SNX30: variants seen among roughly 807,000 people sequenced by gnomAD.
SNX30 encodes the protein sorting nexin family member 30, also known as sorting nexin-30.
Under a neutral mutation model 46.4 loss-of-function variants are expected in SNX30, and 24 were observed. The observed-to-expected ratio is 0.52, with a 90% CI of 0.37 to 0.73. The LOEUF (loss-of-function observed/expected upper bound fraction) is 0.73, where lower values mean the gene tolerates loss of function less well. Ranked by LOEUF, SNX30 falls within the 30% of genes least tolerant of loss-of-function variation. The pLI is 0.00. For synonymous variants in SNX30, 189 were observed against 211.5 expected, an observed-to-expected ratio of 0.89 and a Z score of 0.92; for missense variants, 533 against 555.7, an observed-to-expected ratio of 0.96 and a Z score of 0.41.
chr9:112,850,796 C>T, intron 6 of SNX30, 63 bp from the exon 7 acceptor site: 1 of 1,279,484 alleles, frequency 7.8e-7, no homozygotes, highest in Non-Finnish European at 1.1e-6. Flanking sequence ...AAGCAATTGC[C>T]TGGGGGTGGG....
chr9:112,865,661 A>ATGTG lies in SNX30; in HGVS notation c.1254+1265_1254+1266insGTGT, dbSNP rs1277699270. 9.4e-4 allele frequency among the ~76,000 whole-genome samples: 99 copies of ATGTG among 105,684 alleles called. 4 individuals carry two copies. Among genetic ancestry groups the ATGTG allele is most frequent in the South Asian group, 2.7e-3 (8 of 2,914 alleles). 69.3% of individuals were successfully genotyped at this position (105,684 alleles called of 152,430 possible). A position where few individuals can be genotyped will look rare whatever the true frequency, so the allele number is the denominator to read the frequency against. On this transcript the variant is annotated intron_variant, in intron 8 of 8. Coordinates refer to ENST00000374232, the MANE Select transcript of SNX30 (RefSeq NM_001012994.2). Reference sequence around the variant, plus strand: ...TATATATATATATATATATATATATATGTATGTATGTATGCACACACACAC... The same window carrying ATGTG: ...TATATATATATATATATATATATATATGTGTGTATGTATGTATGCACACACACAC...
intron 4 of SNX30, among the ~76,000 whole-genome samples, chr9:112,831,186 T>G (rs1840654715): frequency 6.6e-6 from 1 of 151,816 alleles, no homozygotes; most frequent in African/African-American, 2.4e-5. Flanking sequence ...GAAGCCACCT[T>G]CATGAGCAAA....
At chr9:112,865,549 C>G (rs1335674683) in intron 8 of SNX30, among the ~76,000 whole-genome samples, 3 of 149,108 alleles carry the variant, frequency 2.0e-5, no homozygotes, top group African/African-American at 7.5e-5. Flanking sequence ...GCCAGGAGTT[C>G]AAGGCTACAG....
rs201012146 is a variant in SNX30, at chr9:112,811,560, G to GA, written c.349-6136dup. 2.3e-3 allele frequency among the ~76,000 whole-genome samples: 343 copies of GA among 151,396 alleles called. 5 individuals are homozygous for GA. The highest frequency in any genetic ancestry group is 7.9e-3 in the African/African-American group (328 of 41,262). On this transcript the variant is annotated intron_variant, in intron 2 of 8. Coordinates refer to ENST00000374232, the MANE Select transcript of SNX30 (RefSeq NM_001012994.2). ...CTTCTAAAATGTTGAACTTCTGAAG[G>GA]AAAAAAAAATTTCCAGGGATGTCTG...
rs112304652 is a variant in SNX30, at chr9:112,756,275, C to A, written c.156+5118C>A. ...CCAATACTGTTTTCTTTGTCATTTT[C>A]CAACTTCACACCTTCTCACTCTCAT... On this transcript the variant is annotated intron_variant, in intron 1 of 8. Transcript: ENST00000374232. Among the ~76,000 whole-genome samples, 822 of 152,126 alleles carry A rather than the reference C, an allele frequency of 5.4e-3. 8 individuals carry two copies. The highest frequency in any genetic ancestry group is 0.019 in the African/African-American group (780 of 41,488).
At chr9:112,833,138 C>T (rs1344007954) in intron 4 of SNX30, among the ~76,000 whole-genome samples, 1 of 152,140 alleles carries the variant, frequency 6.6e-6, no homozygotes, top group Non-Finnish European at 1.5e-5. Context: ...TGCAGCTCAT[C>T]TTCAGAACGT....
At chr9:112,868,187 G>A (rs1412498446) in intron 8 of SNX30, among the ~76,000 whole-genome samples, 2 of 152,222 alleles carry the variant, frequency 1.3e-5, no homozygotes, top group Non-Finnish European at 2.9e-5. Context: ...GAGGACTGGT[G>A]ATAACTAATG....
intron 1 of SNX30, among the ~76,000 whole-genome samples, chr9:112,793,631 C>A (rs1470624001): frequency 1.3e-5 from 2 of 152,126 alleles, no homozygotes; most frequent in Admixed American, 6.5e-5. Context: ...CCTGAAGTAA[C>A]TTCGGTGACA....
At chr9:112,818,683 C>CTTTTTT (rs1840443836) in intron 3 of SNX30, among the ~76,000 whole-genome samples, 1 of 152,194 alleles carries the variant, frequency 6.6e-6, no homozygotes, top group Non-Finnish European at 1.5e-5. Flanking sequence ...TCAGCAAAAA[C>CTTTTTT]CTTTGTTGAA....
intron 1 of SNX30, among the ~76,000 whole-genome samples, chr9:112,789,586 T>A (rs1839987997): frequency 6.6e-6 from 1 of 152,218 alleles, no homozygotes; most frequent in African/African-American, 2.4e-5. Flanking sequence ...ATACTGGATC[T>A]TCCTTAGAAG....
In SNX30 at chr9:112,872,470, A is replaced by T. The variant is rs1841462228; in HGVS notation, c.*3627A>T. On this transcript the variant is annotated 3_prime_UTR_variant, in exon 9 of 9. Coordinates refer to ENST00000374232, the MANE Select transcript of SNX30 (RefSeq NM_001012994.2). Reference sequence around the variant, plus strand: ...AGCTGGTGAGAGAGGAGGAAGAGGGAAGTCAAGAGCAACCTCCAAGGCCTA... The same window carrying T: ...AGCTGGTGAGAGAGGAGGAAGAGGGTAGTCAAGAGCAACCTCCAAGGCCTA... 6.6e-6 allele frequency: 1 copy of T among 152,218 alleles called. No homozygotes were observed. The highest frequency in any genetic ancestry group is 6.6e-5 in the Admixed American group (1 of 15,264). 9.4% of individuals were successfully genotyped at this position (152,218 alleles called of 1,614,324 possible). A position where few individuals can be genotyped will look rare whatever the true frequency, so the allele number is the denominator to read the frequency against.
intron 1 of SNX30, among the ~76,000 whole-genome samples, chr9:112,769,956 C>A (rs888665085): frequency 6.6e-6 from 1 of 151,992 alleles, no homozygotes; most frequent in South Asian, 2.1e-4. Context: ...TTCTGAAATA[C>A]CATGTCCAGA....
At chr9:112,857,212 C>T (rs891452530) in intron 7 of SNX30, among the ~76,000 whole-genome samples, 1 of 152,176 alleles carries the variant, frequency 6.6e-6, no homozygotes, top group Non-Finnish European at 1.5e-5. Flanking sequence ...CTCATGCCCT[C>T]ACCTCTCCCT....
chr9:112,880,330 C>CAAAAAAAAAAAAAAAAAAAAAAAAAA, exon 5 of SNX30: 1 of 91,110 alleles, frequency 1.1e-5, no homozygotes, highest in Non-Finnish European at 2.1e-5. Context: ...GATTCTGTCT[C>CAAAAAAAAAAAAAAAAAAAAAAAAAA]AAAAAAAAAA....
intron 2 of SNX30, among the ~76,000 whole-genome samples, chr9:112,806,609 A>G (rs1840227696): frequency 6.6e-6 from 1 of 152,184 alleles, no homozygotes; most frequent in South Asian, 2.1e-4. Context: ...GCAGGGAATA[A>G]AATACTCAAG....
At chr9:112,817,647 C>T (rs747718080) in intron 2 of SNX30, 58 bp from the exon 3 acceptor site, 37 of 1,043,912 alleles carry the variant, frequency 3.5e-5, no homozygotes, top group Non-Finnish European at 3.7e-5. Flanking sequence ...TTTTCCTTCC[C>T]TTCAGCCAAG....
chr9:112,849,381 A>G (rs1332332552), intron 6 of SNX30, among the ~76,000 whole-genome samples: 1 of 152,210 alleles, frequency 6.6e-6, no homozygotes. Flanking sequence ...CCAGTTCCCC[A>G]GTCCTGCTAG....
chr9:112,823,888 T>C (rs1196203451), intron 3 of SNX30, among the ~76,000 whole-genome samples: 1 of 152,258 alleles, frequency 6.6e-6, no homozygotes, highest in Admixed American at 6.5e-5. Context: ...GCTTGGTGAT[T>C]ATTGTTTTTA....
At chr9:112,798,037 C>T (rs1308483576) in intron 1 of SNX30, among the ~76,000 whole-genome samples, 3 of 150,838 alleles carry the variant, frequency 2.0e-5, no homozygotes, top group Non-Finnish European at 3.0e-5. Flanking sequence ...TTTACCTGGG[C>T]CCACGTGGTG....
Sources: gnomAD v4.1 joint callset for allele counts (sites outside exome capture counted in the v4.1 genomes callset) on GRCh38, gnomAD v4.1.1 for gene constraint, MANE v1.5 for transcripts, NCBI Gene and HGNC (gene_info 2026-07-23, HGNC 2026-07-21) for gene names.